The following RUNX1 variants were observed in gnomAD, a reference collection of about 807,000 sequenced individuals.
The protein encoded by RUNX1 is runt-related transcription factor 1.
A neutral mutation model predicts 42.8 loss-of-function variants in RUNX1; 19 were observed. The observed-to-expected ratio is 0.44, with a 90% CI of 0.31 to 0.65. The LOEUF (loss-of-function observed/expected upper bound fraction) is 0.65, where lower values mean the gene tolerates loss of function less well. RUNX1 is among the 30% of genes least tolerant of loss of function. The probability of loss-of-function intolerance (pLI) is 0.07; values close to 1 mark genes in which losing one functional copy is unlikely to be tolerated. For missense variants in RUNX1, 528 were observed against 672.0 expected, an observed-to-expected ratio of 0.79 and a Z score of 2.37; for synonymous variants, 271 against 289.4, an observed-to-expected ratio of 0.94 and a Z score of 0.64.
chr21:34,799,316 A>C lies in RUNX1; in HGVS notation c.952T>G (p.Ser318Ala), dbSNP rs545554349. ...SGMTTLSAEL[S>A]SRLSTAPDLT... is the part of the protein sequence containing the mutation. Reference sequence around the variant, plus strand: ...AGTGGCTTACTTGAGAGTCGACTGGAAAGTTCTGCAGAGAGGGTTGTCATG... The same window carrying C: ...AGTGGCTTACTTGAGAGTCGACTGGCAAGTTCTGCAGAGAGGGTTGTCATG... Residue 318 changes from serine (S) to alanine (A), a missense_variant, in exon 8 of 9, where the codon TCC (serine) becomes GCC (alanine). This residue lies in a region of RUNX1 where 331 missense variants were observed against 382.5 expected (regional missense o/e 0.87). Coordinates refer to ENST00000675419, the MANE Select transcript of RUNX1 (RefSeq NM_001754.5). 269 of 1,614,076 alleles carry C rather than the reference A, an allele frequency of 1.7e-4. No homozygotes were observed. The Admixed American group carries it at 4.3e-3, about 26-fold the overall frequency.
intron 6 of RUNX1, among the ~76,000 whole-genome samples, chr21:34,850,059 G>A (rs879391706): frequency 2.6e-5 from 4 of 152,108 alleles, no homozygotes; most frequent in Admixed American, 2.6e-4. Flanking sequence ...TGAAGCCTTT[G>A]AGAAAACTCA....
At chr21:34,980,981 C>A (rs565723087) in intron 2 of RUNX1, among the ~76,000 whole-genome samples, 1 of 152,170 alleles carries the variant, frequency 6.6e-6, no homozygotes, top group Non-Finnish European at 1.5e-5. Context: ...TTAGAGAAGA[C>A]GTAGGCGGAA....
chr21:34,951,621 A>G (rs962781400), intron 2 of RUNX1, among the ~76,000 whole-genome samples: 4 of 152,252 alleles, frequency 2.6e-5, no homozygotes, highest in Non-Finnish European at 4.4e-5. Context: ...CAGACATATG[A>G]AAAAATGCTC....
At chr21:34,890,265 G>GC (rs2058065292) in intron 3 of RUNX1, among the ~76,000 whole-genome samples, 1 of 152,008 alleles carries the variant, frequency 6.6e-6, no homozygotes, top group Non-Finnish European at 1.5e-5. Context: ...CTCCCGGAAC[G>GC]CCCCCGACGG....
intron 2 of RUNX1, among the ~76,000 whole-genome samples, chr21:34,931,318 TTATATATATATACACATTTA>T (rs1266789979): frequency 1.4e-5 from 2 of 144,978 alleles, no homozygotes; most frequent in African/African-American, 2.6e-5. Flanking sequence ...TCAACATGCA[TTATATATATATACACATTTA>T]TATATATATA....
intron 5 of RUNX1, among the ~76,000 whole-genome samples, chr21:34,860,087 C>A (rs929370227): frequency 6.6e-6 from 1 of 152,180 alleles, no homozygotes; most frequent in Admixed American, 6.5e-5. Context: ...CGAAGTCTGG[C>A]TGATTTTAAA....
chr21:34,811,860 C>T (rs1306432375), intron 7 of RUNX1, among the ~76,000 whole-genome samples: 4 of 152,048 alleles, frequency 2.6e-5, no homozygotes, highest in Non-Finnish European at 5.9e-5. Context: ...CCACCCGCTC[C>T]AGCTTATTTT....
chr21:34,870,785 C>T (rs1327518781), intron 5 of RUNX1, among the ~76,000 whole-genome samples: 1 of 152,018 alleles, frequency 6.6e-6, no homozygotes, highest in African/African-American at 2.4e-5. Context: ...TGATGAAACC[C>T]CGTCTCTATG....
chr21:35,016,178 T>C (rs2059157839), intron 2 of RUNX1, among the ~76,000 whole-genome samples: 1 of 152,214 alleles, frequency 6.6e-6, no homozygotes, highest in Non-Finnish European at 1.5e-5. Context: ...AGGCCTTGGA[T>C]ATGGTTAGCT....
At chr21:34,818,184 C>G (rs2056857168) in intron 7 of RUNX1, among the ~76,000 whole-genome samples, 1 of 152,212 alleles carries the variant, frequency 6.6e-6, no homozygotes, top group Admixed American at 6.5e-5. Context: ...GCGCCCCTGC[C>G]TATTCACCCC....
intron 2 of RUNX1, among the ~76,000 whole-genome samples, chr21:35,041,930 C>A (rs2059362765): frequency 6.6e-6 from 1 of 151,950 alleles, no homozygotes; most frequent in African/African-American, 2.4e-5. Context: ...GAAAAGAATT[C>A]TCTTAAAAAT....
At chr21:34,993,934 T>C (rs898342237) in intron 2 of RUNX1, among the ~76,000 whole-genome samples, 1 of 152,198 alleles carries the variant, frequency 6.6e-6, no homozygotes, top group African/African-American at 2.4e-5. Context: ...TCACTGAGAT[T>C]CTCCACTCAC....
chr21:34,967,718 C>A (rs1237040374), intron 2 of RUNX1, among the ~76,000 whole-genome samples: 3 of 152,178 alleles, frequency 2.0e-5, no homozygotes, highest in African/African-American at 7.2e-5. Flanking sequence ...ATCCTCTGAG[C>A]TCTCCCTAGC....
chr21:34,992,577 A>G (rs2058952581), intron 2 of RUNX1, among the ~76,000 whole-genome samples: 1 of 151,986 alleles, frequency 6.6e-6, no homozygotes. Flanking sequence ...CAATCATTAA[A>G]CAAGTGGTGA....
At chr21:34,871,265 C>G (rs180765403) in intron 5 of RUNX1, among the ~76,000 whole-genome samples, 1 of 152,326 alleles carries the variant, frequency 6.6e-6, no homozygotes, top group Admixed American at 6.5e-5. Context: ...TGTGCAGTCC[C>G]TGGCTCAGAC....
intron 2 of RUNX1, among the ~76,000 whole-genome samples, chr21:35,035,706 C>G (rs953108151): frequency 6.6e-6 from 1 of 152,140 alleles, no homozygotes; most frequent in Non-Finnish European, 1.5e-5. Flanking sequence ...GACAACAGTG[C>G]GGAGGACACG....
At chr21:34,885,162 T>G (rs892161329) in intron 4 of RUNX1, among the ~76,000 whole-genome samples, 1 of 152,120 alleles carries the variant, frequency 6.6e-6, no homozygotes, top group Non-Finnish European at 1.5e-5. Context: ...AGACCCTGAT[T>G]TCCCCCCCAA....
At chr21:34,857,553 G>C (rs2057512595) in intron 6 of RUNX1, among the ~76,000 whole-genome samples, 1 of 152,288 alleles carries the variant, frequency 6.6e-6, no homozygotes, top group South Asian at 2.1e-4. Flanking sequence ...AGGCTGGTCG[G>C]CATTTCAACT....
intron 2 of RUNX1, among the ~76,000 whole-genome samples, chr21:34,911,233 T>A (rs2058269622): frequency 6.6e-6 from 1 of 152,178 alleles, no homozygotes; most frequent in South Asian, 2.1e-4. Context: ...AGTAGGTGCT[T>A]AACAAATATT....
Sources: gnomAD v4.1 joint callset for allele counts (sites outside exome capture counted in the v4.1 genomes callset) on GRCh38, gnomAD v4.1.1 for gene constraint, gnomAD v4.1.1 regional missense constraint, MANE v1.5 for transcripts, NCBI Gene and HGNC (gene_info 2026-07-23, HGNC 2026-07-21) for gene names.